The following HIVEP1 variants were observed in gnomAD, a reference collection of about 807,000 sequenced individuals.
HIVEP1 encodes the protein zinc finger protein 40.
A neutral mutation model predicts 180.0 loss-of-function variants in HIVEP1; 36 were observed. The ratio of observed to expected loss-of-function variants is 0.20; its 90% confidence interval spans 0.15 to 0.26. The LOEUF is 0.26. Ranked by LOEUF, HIVEP1 falls within the 10% of genes least tolerant of loss-of-function variation. The pLI is 1.00. For synonymous variants in HIVEP1, 1,239 were observed against 1,239.0 expected (o/e 1.00, Z 0.00); for missense variants, 3,143 against 3,268.7 (o/e 0.96, Z 0.94).
downstream of HIVEP1, among the ~76,000 whole-genome samples, chr6:12,166,140 G>C (rs561289048): frequency 1.8e-4 from 27 of 152,280 alleles, no homozygotes; most frequent in African/African-American, 6.0e-4. Flanking sequence ...TGTTGAAAAT[G>C]AGGTCTGTTT....
intron 2 of HIVEP1, among the ~76,000 whole-genome samples, chr6:12,061,869 G>T (rs557301583): frequency 2.6e-5 from 4 of 152,024 alleles, no homozygotes; most frequent in Non-Finnish European, 1.5e-5. Context: ...TCTATTTCTC[G>T]TGAGGAAATC....
chr6:12,072,046 G>A (rs1345070093), intron 2 of HIVEP1, among the ~76,000 whole-genome samples: 2 of 151,116 alleles, frequency 1.3e-5, no homozygotes, highest in African/African-American at 4.9e-5. Flanking sequence ...CAGATTTTGT[G>A]GACCTCATAG....
chr6:12,017,134 A>G (rs1183673129), intron 2 of HIVEP1, among the ~76,000 whole-genome samples: 1 of 152,254 alleles, frequency 6.6e-6, no homozygotes, highest in East Asian at 1.9e-4. Context: ...TCTAGATAAA[A>G]TGACTATCCT....
At chr6:12,171,883 A>G in the HIVEP1 span, among the ~76,000 whole-genome samples, 1 of 152,158 alleles carries the variant, frequency 6.6e-6, no homozygotes, top group Non-Finnish European at 1.5e-5. Context: ...CCAATCCTCT[A>G]AGATGTATTG....
chr6:12,123,630 C>T lies in HIVEP1; in HGVS notation c.3835C>T (p.Pro1279Ser). 6.2e-7 allele frequency: 1 copy of T among 1,614,110 alleles called. No individual in the cohort carries two copies. The highest frequency in any genetic ancestry group is 8.5e-7 in the Non-Finnish European group (1 of 1,180,018). ...LSKLPTEKLP[P>S]KKKRLRLAEI... The stretch of plus-strand genomic sequence containing the variant: ...AAAATTGCCAACAGAGAAACTGCCA[C>T]CCAAAAAGAAAAGGCTCCGTCTGGC... Residue 1279 changes from proline (P) to serine (S), a missense_variant, in exon 4 of 9, where the codon CCC becomes TCC. Around this residue, in one of 12 missense-constraint regions of HIVEP1, gnomAD observed 1,357 missense variants for 1,260.5 expected, o/e 1.08. Coordinates refer to ENST00000379388, the MANE Select transcript of HIVEP1 (RefSeq NM_002114.4).
intron 2 of HIVEP1, among the ~76,000 whole-genome samples, chr6:12,024,581 T>G (rs1768456899): frequency 6.6e-6 from 1 of 152,242 alleles, no homozygotes; most frequent in Non-Finnish European, 1.5e-5. Flanking sequence ...TTTTGTACTT[T>G]GAAGTGTGCT....
chr6:12,072,890 A>G (rs1268102352), intron 2 of HIVEP1, among the ~76,000 whole-genome samples: 1 of 151,830 alleles, frequency 6.6e-6, no homozygotes, highest in East Asian at 1.9e-4. Flanking sequence ...TTTCCTATAT[A>G]TTATAGTTAT....
At chr6:12,099,745 A>G (rs1253479231) in intron 3 of HIVEP1, among the ~76,000 whole-genome samples, 1 of 152,050 alleles carries the variant, frequency 6.6e-6, no homozygotes, top group East Asian at 1.9e-4. Context: ...TGAATCGATG[A>G]TGGATGGTAG....
At chr6:12,154,079 C>T (rs891059526) in intron 7 of HIVEP1, among the ~76,000 whole-genome samples, 5 of 152,258 alleles carry the variant, frequency 3.3e-5, no homozygotes, top group African/African-American at 4.8e-5. Context: ...AGCTGGGAGG[C>T]GGAGGTTGCA....
chr6:12,134,762 G>C (rs1388899051), intron 6 of HIVEP1, among the ~76,000 whole-genome samples: 1 of 152,196 alleles, frequency 6.6e-6, no homozygotes, highest in Non-Finnish European at 1.5e-5. Flanking sequence ...ACTTGAGGCA[G>C]GTGTGCTAGT....
chr6:12,108,060 A>C (rs1336958526), intron 3 of HIVEP1, among the ~76,000 whole-genome samples: 1 of 152,066 alleles, frequency 6.6e-6, no homozygotes, highest in Non-Finnish European at 1.5e-5. Flanking sequence ...GTGTGTTTAC[A>C]AACCTTGGGC....
rs950741598 is a variant in HIVEP1 at position 12,161,833 on chromosome 6, TTCC to T, written c.6883_6885del (p.Ser2295del). 9 of 1,614,018 alleles carry T rather than the reference TTCC, an allele frequency of 5.6e-6. No homozygotes were observed. Among genetic ancestry groups the T allele is most frequent in the African/African-American group, 1.3e-5 (1 of 74,938 alleles). On this transcript the variant is annotated inframe_deletion, in exon 8 of 9. Transcript: ENST00000379388. ...ACGACACAATTCCGTCTGTAGACAC[TTCC>T]AGGTCCCCGTGTCATCAGATGTCTG...
chr6:12,111,316 A>G (rs1774876811), intron 3 of HIVEP1, among the ~76,000 whole-genome samples: 1 of 152,258 alleles, frequency 6.6e-6, no homozygotes, highest in Non-Finnish European at 1.5e-5. Flanking sequence ...GTATCTGCGA[A>G]GCTCAACAAA....
intron 2 of HIVEP1, chr6:12,037,620 ATAG>A (rs1490919285): frequency 7.7e-6 from 3 of 390,750 alleles, no homozygotes. Context: ...TATGAAATAG[ATAG>A]TAGCAGTGAG....
At chr6:12,206,273 G>T in the HIVEP1 span, among the ~76,000 whole-genome samples, 4 of 151,968 alleles carry the variant, frequency 2.6e-5, no homozygotes, top group Non-Finnish European at 4.4e-5. Flanking sequence ...AGCTGGGATT[G>T]CAGGTGCCCG....
intron 7 of HIVEP1, among the ~76,000 whole-genome samples, chr6:12,143,444 A>C (rs1759175939): frequency 6.6e-6 from 1 of 152,242 alleles, no homozygotes; most frequent in African/African-American, 2.4e-5. Flanking sequence ...GAATGAGCAA[A>C]AGCTGGAAGC....
At chr6:12,060,626 T>C (rs1033215232) in intron 2 of HIVEP1, among the ~76,000 whole-genome samples, 3 of 152,186 alleles carry the variant, frequency 2.0e-5, no homozygotes, top group African/African-American at 4.8e-5. Flanking sequence ...AGGACTCTTA[T>C]CTCAAATACT....
chr6:12,011,493 C>T (rs1314802290), upstream of HIVEP1, among the ~76,000 whole-genome samples: 3 of 151,464 alleles, frequency 2.0e-5, no homozygotes, highest in Non-Finnish European at 4.4e-5. Context: ...GCCGGGCCCG[C>T]CCCTCCGCCC....
intron 5 of HIVEP1, among the ~76,000 whole-genome samples, chr6:12,130,279 A>G (rs1758346396): frequency 6.6e-6 from 1 of 152,250 alleles, no homozygotes; most frequent in Non-Finnish European, 1.5e-5. Context: ...TAGTTATAGT[A>G]AAGCTCCAAA....
Sources: allele counts gnomAD v4.1 joint callset (sites outside exome capture counted in the v4.1 genomes callset), GRCh38; gene constraint gnomAD v4.1.1; regional missense constraint gnomAD v4.1.1; transcripts MANE v1.5; gene names NCBI Gene and HGNC (gene_info 2026-07-23, HGNC 2026-07-21).